The following RORA variants were observed in gnomAD, a reference collection of about 807,000 sequenced individuals.
The protein encoded by RORA is nuclear receptor ROR-alpha.
RORA carries 7 observed loss-of-function variants against 69.5 expected under a neutral mutation model. That is an observed-to-expected ratio of 0.10 (90% CI 0.06 to 0.19). RORA has a LOEUF of 0.19. Ranked by LOEUF, RORA falls within the 10% of genes least tolerant of loss-of-function variation. The pLI, the probability that RORA is intolerant of heterozygous loss-of-function variation, is 1.00. For synonymous variants in RORA, 261 were observed against 240.8 expected (o/e 1.08, Z -0.78); for missense variants, 457 against 663.0 (o/e 0.69, Z 3.41).
At chr15:60,779,382 A>T (rs1374851868) in intron 1 of RORA, among the ~76,000 whole-genome samples, 1 of 152,164 alleles carries the variant, frequency 6.6e-6, no homozygotes, top group Non-Finnish European at 1.5e-5. Flanking sequence ...CCAATGGTCC[A>T]TTTAAATGCC....
chr15:61,171,701 G>A (rs2079586651), intron 1 of RORA, among the ~76,000 whole-genome samples: 1 of 152,144 alleles, frequency 6.6e-6, no homozygotes, highest in Non-Finnish European at 1.5e-5. Context: ...CCTGGAGGTG[G>A]CCCCCATTGG....
intron 1 of RORA, among the ~76,000 whole-genome samples, chr15:61,127,260 G>T (rs532929317): frequency 7.9e-5 from 12 of 152,224 alleles, no homozygotes; most frequent in Admixed American, 4.6e-4. Context: ...TCATCATGGA[G>T]TAAGTTTAAT....
At chr15:61,025,147 G>C (rs1595887413) in intron 1 of RORA, among the ~76,000 whole-genome samples, 1 of 152,088 alleles carries the variant, frequency 6.6e-6, no homozygotes, top group African/African-American at 2.4e-5. Context: ...TGTATAAAAT[G>C]ATGAGCCAGG....
At chr15:60,542,298 C>T (rs975298963) in intron 2 of RORA, among the ~76,000 whole-genome samples, 2 of 152,016 alleles carry the variant, frequency 1.3e-5, no homozygotes, top group African/African-American at 4.8e-5. Context: ...TAGCTGCTAC[C>T]ATCTTAAATG....
chr15:60,999,515 A>T (rs1894679166), intron 1 of RORA, among the ~76,000 whole-genome samples: 1 of 152,234 alleles, frequency 6.6e-6, no homozygotes, highest in East Asian at 1.9e-4. Flanking sequence ...ATCTTCATAT[A>T]TTCAAAACTA....
chr15:61,044,972 C>T (rs941084342), intron 1 of RORA, among the ~76,000 whole-genome samples: 13 of 152,226 alleles, frequency 8.5e-5, no homozygotes, highest in African/African-American at 2.9e-4. Context: ...AGCTGCTGTA[C>T]TTGGGGGCAC....
At chr15:60,603,734 T>A (rs1036918522) in intron 2 of RORA, among the ~76,000 whole-genome samples, 9 of 152,232 alleles carry the variant, frequency 5.9e-5, no homozygotes, top group Non-Finnish European at 1.3e-4. Flanking sequence ...CACATTGTAT[T>A]TTCTCCATTA....
intron 1 of RORA, among the ~76,000 whole-genome samples, chr15:60,796,651 T>A (rs2072502111): frequency 6.6e-6 from 1 of 152,168 alleles, no homozygotes; most frequent in Non-Finnish European, 1.5e-5. Flanking sequence ...AATTATCATA[T>A]GATCATATAA....
At chr15:60,598,437 T>C (rs2068744703) in intron 2 of RORA, 1 of 152,220 alleles carries the variant, frequency 6.6e-6, no homozygotes, top group Admixed American at 6.5e-5. Context: ...TAACCCTTTT[T>C]TCCTCCTCAG....
chr15:61,042,265 A>G (rs1285570368), intron 1 of RORA, among the ~76,000 whole-genome samples: 1 of 152,184 alleles, frequency 6.6e-6, no homozygotes, highest in Non-Finnish European at 1.5e-5. Context: ...CATATAATTT[A>G]TTGTCCAAAC....
chr15:60,711,897 T>C (rs1008922981), intron 1 of RORA, among the ~76,000 whole-genome samples: 3 of 152,210 alleles, frequency 2.0e-5, no homozygotes, highest in African/African-American at 7.2e-5. Flanking sequence ...AGCAAATTCC[T>C]TAGCCTTCCC....
chr15:60,518,485 A>C (rs942203856), intron 3 of RORA, among the ~76,000 whole-genome samples: 1 of 152,230 alleles, frequency 6.6e-6, no homozygotes, highest in African/African-American at 2.4e-5. Flanking sequence ...CTGCCCTTGC[A>C]GGGCTGGATA....
At chr15:60,875,343 C>G (rs899125001) in intron 1 of RORA, among the ~76,000 whole-genome samples, 1 of 152,030 alleles carries the variant, frequency 6.6e-6, no homozygotes, top group African/African-American at 2.4e-5. Flanking sequence ...TATAATCTAC[C>G]CCCCTAAAAA....
At chr15:60,752,785 G>C (rs1451703563) in intron 1 of RORA, among the ~76,000 whole-genome samples, 1 of 152,134 alleles carries the variant, frequency 6.6e-6, no homozygotes, top group East Asian at 1.9e-4. Context: ...TGGTGCAGGG[G>C]CCATTGGATG....
intron 1 of RORA, among the ~76,000 whole-genome samples, chr15:61,092,979 G>A (rs2078730403): frequency 6.6e-6 from 1 of 152,016 alleles, no homozygotes; most frequent in Non-Finnish European, 1.5e-5. Flanking sequence ...GTATGACATT[G>A]CACCTCCCAG....
rs1489373335 is a variant in RORA at position 60,490,885 on chromosome 15, A to ATGTT, written c.*6566_*6569dup. 1 of 152,158 alleles carries ATGTT rather than the reference A, an allele frequency of 6.6e-6. No homozygotes were observed. Among genetic ancestry groups the ATGTT allele is most frequent in the Admixed American group, 6.5e-5 (1 of 15,274 alleles). 9.4% of individuals were successfully genotyped at this position (152,158 alleles called of 1,614,324 possible). ...AAAAGCCTTGTCTGGGGTTTGTCAT[A>ATGTT]TGTTAAATATTATTTAAAGTGGGAA... On this transcript the variant is annotated 3_prime_UTR_variant, in exon 11 of 11. Coordinates refer to ENST00000335670, the MANE Select transcript of RORA (RefSeq NM_134261.3). This position sits in a 1 kb window ranked among gnomAD's most constrained non-coding sequence, Gnocchi z 4.1.
At chr15:60,597,593 TACACATATATATATATATATATATAC>T (rs2068715305) in intron 2 of RORA, among the ~76,000 whole-genome samples, 3 of 25,810 alleles carry the variant, frequency 1.2e-4, no homozygotes, top group Non-Finnish European at 2.2e-4. Flanking sequence ...TATATATATA[TACACATATATATATATATATATATAC>T]ATACATATAT....
chr15:61,162,972 A>T (rs1386822793), intron 1 of RORA, among the ~76,000 whole-genome samples: 1 of 152,220 alleles, frequency 6.6e-6, no homozygotes. Flanking sequence ...CACTCAGCAG[A>T]ACGATTCATA....
intron 1 of RORA, among the ~76,000 whole-genome samples, chr15:60,899,088 C>T (rs988975033): frequency 2.0e-5 from 3 of 152,234 alleles, no homozygotes; most frequent in African/African-American, 7.2e-5. Context: ...CTGCAGACCA[C>T]TAGGGGTTGT....
Sources: gnomAD v4.1 joint callset for allele counts (sites outside exome capture counted in the v4.1 genomes callset) on GRCh38, gnomAD v4.1.1 for gene constraint, Gnocchi (gnomAD v3.1) non-coding constraint, MANE v1.5 for transcripts, NCBI Gene and HGNC (gene_info 2026-07-23, HGNC 2026-07-21) for gene names.